Variants in FA2H observed in about 807,000 individuals in gnomAD.
FA2H encodes the protein fatty acid 2-hydroxylase.
FA2H carries 22 observed loss-of-function variants against 44.9 expected under a neutral mutation model. That is an observed-to-expected ratio of 0.49 (90% CI 0.35 to 0.70). The LOEUF (loss-of-function observed/expected upper bound fraction) is 0.70, where lower values mean the gene tolerates loss of function less well. Among genes scored for constraint, FA2H ranks in the 30% least tolerant of loss-of-function variants. The pLI, the probability that FA2H is intolerant of heterozygous loss-of-function variation, is 0.01. For synonymous variants in FA2H, 243 were observed against 213.2 expected, an observed-to-expected ratio of 1.14 and a Z score of -1.22; for missense variants, 501 against 504.9, an observed-to-expected ratio of 0.99 and a Z score of 0.07.
intron 1 of FA2H, among the ~76,000 whole-genome samples, chr16:74,749,722 C>T (rs560790640): frequency 2.0e-5 from 3 of 152,314 alleles, no homozygotes; most frequent in Middle Eastern, 3.4e-3. Context: ...TAGGATACCC[C>T]CTGTGGGTTT....
intron 1 of FA2H, among the ~76,000 whole-genome samples, chr16:74,747,180 A>G (rs1962439846): frequency 6.6e-6 from 1 of 152,036 alleles, no homozygotes; most frequent in African/African-American, 2.4e-5. Flanking sequence ...GCATGGTGGC[A>G]GGCACCTGTA....
chr16:74,739,434 C>T (rs1005774242), intron 2 of FA2H, among the ~76,000 whole-genome samples: 1 of 152,136 alleles, frequency 6.6e-6, no homozygotes, highest in African/African-American at 2.4e-5. Flanking sequence ...CCACCGTGAC[C>T]GCTCAGCTCC....
At position 74,714,081 on chromosome 16, in the gene FA2H, G is replaced by T; in HGVS notation, c.*109C>A. ...CCACTAGGCTGCAGGGCCGGACACAGCCCATCCTGCCTGGCCAAGCCAACC... is the reference window on the plus strand; with the variant it reads ...CCACTAGGCTGCAGGGCCGGACACATCCCATCCTGCCTGGCCAAGCCAACC... On this transcript the variant is annotated 3_prime_UTR_variant, in exon 7 of 7. Coordinates refer to ENST00000219368, the MANE Select transcript of FA2H (RefSeq NM_024306.5). The T allele has an allele frequency of 1.4e-6, 1 of 723,460 alleles. No homozygotes were observed. Among genetic ancestry groups the T allele is most frequent in the Non-Finnish European group, 2.4e-6 (1 of 413,134 alleles). 44.8% of individuals were successfully genotyped at this position (723,460 alleles called of 1,614,324 possible). A position where few individuals can be genotyped will look rare whatever the true frequency, so the allele number is the denominator to read the frequency against.
chr16:74,752,460 T>C (rs1962543912), intron 1 of FA2H, among the ~76,000 whole-genome samples: 1 of 152,150 alleles, frequency 6.6e-6, no homozygotes, highest in Admixed American at 6.5e-5. Flanking sequence ...CAGAGTCTCC[T>C]CTCGGTCCTG....
chr16:74,762,071 G>T (rs564703958), intron 1 of FA2H, among the ~76,000 whole-genome samples: 166 of 118,248 alleles, frequency 1.4e-3, no homozygotes, highest in East Asian at 3.9e-4. Context: ...TTGAGACAGG[G>T]TCTCACTGTC....
intron 4 of FA2H, among the ~76,000 whole-genome samples, chr16:74,722,898 T>G (rs1961870653): frequency 8.8e-6 from 1 of 114,092 alleles, no homozygotes; most frequent in African/African-American, 3.6e-5. Context: ...GCAATAAGAG[T>G]GAAACTCCAT....
At chr16:74,749,188 G>A (rs1209704302) in intron 1 of FA2H, among the ~76,000 whole-genome samples, 1 of 152,180 alleles carries the variant, frequency 6.6e-6, no homozygotes, top group Non-Finnish European at 1.5e-5. Context: ...AAAAGCTTTC[G>A]GCTGAAATGA....
At chr16:74,749,840 GA>G (rs1265398146) in intron 1 of FA2H, among the ~76,000 whole-genome samples, 12 of 152,270 alleles carry the variant, frequency 7.9e-5, no homozygotes, top group African/African-American at 2.9e-4. Flanking sequence ...AAGTTTCCAA[GA>G]ATGCACTGAG....
Position 74,727,587 on chromosome 16 carries a change from G to A in FA2H, c.364-201C>T, listed in dbSNP as rs545012894. ...CCCCCAGCCACAGCAATAGGATCCG[G>A]TAAAGGTTTGCGACCTAAGCTGGTG... On this transcript the variant is annotated intron_variant, in intron 2 of 6. Transcript: ENST00000219368. 4.6e-5 allele frequency among the ~76,000 whole-genome samples: 7 copies of A among 152,352 alleles called. No homozygotes were observed. The East Asian group carries it at 1.3e-3, about 29-fold the overall frequency.
At chr16:74,735,760 C>G (rs929125329) in intron 2 of FA2H, among the ~76,000 whole-genome samples, 1 of 152,094 alleles carries the variant, frequency 6.6e-6, no homozygotes, top group Non-Finnish European at 1.5e-5. Context: ...GTGGGAGGAT[C>G]ACTGAGGCTG....
At chr16:74,761,482 G>A (rs1038738727) in intron 1 of FA2H, among the ~76,000 whole-genome samples, 6 of 114,848 alleles carry the variant, frequency 5.2e-5, no homozygotes, top group Non-Finnish European at 1.2e-4. Flanking sequence ...AAGAAAGAAA[G>A]AAAGAAAAAC....
At chr16:74,772,935 G>A (rs1962934812) in intron 1 of FA2H, among the ~76,000 whole-genome samples, 1 of 151,608 alleles carries the variant, frequency 6.6e-6, no homozygotes, top group Non-Finnish European at 1.5e-5. Flanking sequence ...AGGCTGGAGT[G>A]CAGTGGCATG....
intron 1 of FA2H, among the ~76,000 whole-genome samples, chr16:74,755,994 T>A (rs1962605155): frequency 6.6e-6 from 1 of 152,228 alleles, no homozygotes; most frequent in African/African-American, 2.4e-5. Context: ...GAATCTATTT[T>A]AATATGCTCC....
chr16:74,730,895 C>T (rs2240246), intron 2 of FA2H, among the ~76,000 whole-genome samples: 18,993 of 152,090 alleles, frequency 0.12, 1,621 homozygotes, highest in East Asian at 0.36. Flanking sequence ...TGCCCAAGGT[C>T]GCCCAGTTAT....
At chr16:74,731,244 G>A (rs946508758) in intron 2 of FA2H, among the ~76,000 whole-genome samples, 1 of 142,788 alleles carries the variant, frequency 7.0e-6, no homozygotes, top group Non-Finnish European at 1.5e-5. Flanking sequence ...AGCGATTCTC[G>A]CTGCCTCAGC....
At chr16:74,772,148 C>G (rs532700616) in intron 1 of FA2H, among the ~76,000 whole-genome samples, 1 of 152,160 alleles carries the variant, frequency 6.6e-6, no homozygotes, top group Admixed American at 6.5e-5. Flanking sequence ...GGCCTCCCCC[C>G]ACATCCCTGT....
chr16:74,737,439 G>T (rs1962203832), intron 2 of FA2H, among the ~76,000 whole-genome samples: 2 of 152,176 alleles, frequency 1.3e-5, no homozygotes. Context: ...GAGCCCAAAA[G>T]TAAGACCATC....
At chr16:74,750,421 T>A (rs11863417) in intron 1 of FA2H, among the ~76,000 whole-genome samples, 15,834 of 152,240 alleles carry the variant, frequency 0.1, 965 homozygotes, top group African/African-American at 0.16. Flanking sequence ...GAAATGCGTC[T>A]TTTATTATCT....
rs775172785 is a variant in FA2H at position 74,774,674 on chromosome 16, G to A, written c.82C>T (p.Arg28Cys). Residue 28 changes from arginine to cysteine, a missense_variant, in exon 1 of 7, where the codon CGC becomes TGC. By Grantham distance (180) the Arg-to-Cys change is radical. Transcript: ENST00000219368. Reference protein sequence around the residue: ...RRLAAGACWVRRGARLYDLSS... With the variant: ...RRLAAGACWVCRGARLYDLSS... ...AGGTCGTAGAGGCGGGCCCCGCGGCGGACCCAGCACGCGCCGGCCGCCAGG... is the reference window on the plus strand; with the variant it reads ...AGGTCGTAGAGGCGGGCCCCGCGGCAGACCCAGCACGCGCCGGCCGCCAGG... 55 of 1,425,108 alleles carry A rather than the reference G, an allele frequency of 3.9e-5. 1 individual carries two copies. In the African/African-American group the frequency reaches 4.7e-4, roughly 12 times the overall value. The allele number at this position is 1,425,108 out of a possible 1,614,324, so 88.3% of individuals were successfully genotyped here. A position where few individuals can be genotyped will look rare whatever the true frequency, so the allele number is the denominator to read the frequency against.
Sources: gnomAD v4.1 joint callset for allele counts (sites outside exome capture counted in the v4.1 genomes callset) on GRCh38, gnomAD v4.1.1 for gene constraint, MANE v1.5 for transcripts, NCBI Gene and HGNC (gene_info 2026-07-23, HGNC 2026-07-21) for gene names.